The following RBFOX1 variants were observed in gnomAD, a reference collection of about 807,000 sequenced individuals.
RBFOX1 encodes RNA binding protein fox-1 homolog 1.
RBFOX1 carries 8 observed loss-of-function variants against 57.7 expected under a neutral mutation model. That is an observed-to-expected ratio of 0.14 (90% CI 0.08 to 0.25). The LOEUF is 0.25. Among genes scored for constraint, RBFOX1 ranks in the 10% least tolerant of loss-of-function variants. RBFOX1 has a pLI of 1.00. For missense variants in RBFOX1, 611 were observed against 548.5 expected, an observed-to-expected ratio of 1.11 and a Z score of -1.14; for synonymous variants, 326 against 222.4, an observed-to-expected ratio of 1.47 and a Z score of -4.15.
At chr16:5,373,141 T>C (rs2065901386) in intron 1 of RBFOX1, among the ~76,000 whole-genome samples, 1 of 152,190 alleles carries the variant, frequency 6.6e-6, no homozygotes, top group African/African-American at 2.4e-5. Context: ...ATGGATTTTC[T>C]CGGCAGAACC....
chr16:6,622,067 G>C (rs1216639290), intron 2 of RBFOX1, among the ~76,000 whole-genome samples: 1 of 152,182 alleles, frequency 6.6e-6, no homozygotes, highest in Non-Finnish European at 1.5e-5. Flanking sequence ...TGGTGTTTAT[G>C]TGGAAAGGGA....
At chr16:7,208,748 G>C (rs1456892904) in intron 4 of RBFOX1, among the ~76,000 whole-genome samples, 1 of 152,130 alleles carries the variant, frequency 6.6e-6, no homozygotes, top group Non-Finnish European at 1.5e-5. Context: ...GAAGCAAGAA[G>C]ATTATTTGAG....
At chr16:6,492,017 A>G (rs774376920) in intron 2 of RBFOX1, among the ~76,000 whole-genome samples, 7 of 152,172 alleles carry the variant, frequency 4.6e-5, no homozygotes, top group Admixed American at 3.3e-4. Flanking sequence ...GAATGGATAG[A>G]TGAGTAGACA....
chr16:6,217,670 C>T (rs1031672217), intron 1 of RBFOX1, among the ~76,000 whole-genome samples: 1 of 152,200 alleles, frequency 6.6e-6, no homozygotes, highest in African/African-American at 2.4e-5. Context: ...CTTCATTTCT[C>T]ACTGTGCTTC....
chr16:6,762,118 G>A (rs2076695182), intron 3 of RBFOX1, among the ~76,000 whole-genome samples: 2 of 152,074 alleles, frequency 1.3e-5, no homozygotes, highest in South Asian at 2.1e-4. Context: ...TGGGAAATTA[G>A]CTTAGTTTTC....
intron 2 of RBFOX1, among the ~76,000 whole-genome samples, chr16:5,510,812 G>A (rs561728283): frequency 1.3e-5 from 2 of 152,146 alleles, no homozygotes; most frequent in African/African-American, 4.8e-5. Context: ...AGGATGCTGA[G>A]CAGCCTCCCA....
rs970734273 is a variant in RBFOX1 at position 5,962,921 on chromosome 16, A to G, written c.351+95586A>G. 9.2e-5 allele frequency among the ~76,000 whole-genome samples: 14 copies of G among 151,632 alleles called. 1 individual carries two copies. The highest frequency in any genetic ancestry group is 3.4e-4 in the African/African-American group (14 of 41,236). ...ATAGGGCTTATCTTTGGGACTCCAG[A>G]CAGAGATCCAAGTTCAATATGGTCT... On this transcript the variant is annotated intron_variant, in intron 4 of 19. Coordinates refer to the RBFOX1 transcript ENST00000641259.
intron 3 of RBFOX1, among the ~76,000 whole-genome samples, chr16:5,820,364 G>C (rs1161707691): frequency 6.6e-6 from 1 of 152,176 alleles, no homozygotes; most frequent in African/African-American, 2.4e-5. Flanking sequence ...TGCAAGGGGG[G>C]AGGCAGGAAC....
intron 3 of RBFOX1, among the ~76,000 whole-genome samples, chr16:5,636,849 C>T (rs970743027): frequency 6.6e-6 from 1 of 152,160 alleles, no homozygotes; most frequent in African/African-American, 2.4e-5. Flanking sequence ...AAACATTTCT[C>T]ATTCTCAAAA....
intron 4 of RBFOX1, among the ~76,000 whole-genome samples, chr16:7,305,490 A>G (rs1421900464): frequency 6.6e-6 from 1 of 152,122 alleles, no homozygotes; most frequent in Non-Finnish European, 1.5e-5. Context: ...TATTCTATGA[A>G]GGTTTACAGT....
intron 1 of RBFOX1, among the ~76,000 whole-genome samples, chr16:6,044,266 C>A (rs1290055720): frequency 2.0e-5 from 3 of 152,140 alleles, no homozygotes; most frequent in Non-Finnish European, 2.9e-5. Context: ...ACCCCGAATC[C>A]TAAGGTGCTG....
intron 2 of RBFOX1, among the ~76,000 whole-genome samples, chr16:5,538,303 G>A (rs548089835): frequency 1.3e-5 from 2 of 152,290 alleles, no homozygotes; most frequent in East Asian, 3.9e-4. Context: ...TTTTAAAATG[G>A]AGGTAATGAA....
chr16:6,550,819 A>C (rs144455818), intron 2 of RBFOX1, among the ~76,000 whole-genome samples: 6 of 152,362 alleles, frequency 3.9e-5, no homozygotes, highest in African/African-American at 1.2e-4. Flanking sequence ...TTGCTTCGGC[A>C]CTTCACATTG....
intron 4 of RBFOX1, among the ~76,000 whole-genome samples, chr16:7,195,493 A>G (rs1314683427): frequency 6.6e-6 from 1 of 152,170 alleles, no homozygotes; most frequent in Non-Finnish European, 1.5e-5. Flanking sequence ...AACAGCACAG[A>G]TTTGAAAGAC....
chr16:7,115,999 A>G (rs2065827047), intron 4 of RBFOX1, among the ~76,000 whole-genome samples: 1 of 152,172 alleles, frequency 6.6e-6, no homozygotes, highest in Non-Finnish European at 1.5e-5. Flanking sequence ...TATATGGAGT[A>G]ACCATTGTGC....
intron 3 of RBFOX1, among the ~76,000 whole-genome samples, chr16:6,676,890 G>A (rs993194830): frequency 6.6e-6 from 1 of 151,774 alleles, no homozygotes; most frequent in Admixed American, 6.6e-5. Flanking sequence ...TGGCCATGCT[G>A]GTTTTGAACC....
chr16:7,040,022 C>CATT lies in RBFOX1; in HGVS notation c.-15-12022_-15-12020dup, dbSNP rs918275039. On this transcript the variant is annotated intron_variant, in intron 3 of 15. Transcript: ENST00000550418. ...GTTATTTTATTATTATTATTATTAT[C>CATT]ATTATTATTATTATTTTGAGACAAA... Among the ~76,000 whole-genome samples, 41 of 85,892 alleles carry CATT rather than the reference C, an allele frequency of 4.8e-4. No homozygotes were observed. In the East Asian group the frequency reaches 0.017, roughly 37 times the overall value. The allele number at this position is 85,892 out of a possible 152,430, so 56.3% of individuals were successfully genotyped here. A position where few individuals can be genotyped will look rare whatever the true frequency, so the allele number is the denominator to read the frequency against.
At chr16:7,196,366 C>T (rs750625832) in intron 4 of RBFOX1, among the ~76,000 whole-genome samples, 1 of 152,132 alleles carries the variant, frequency 6.6e-6, no homozygotes, top group Non-Finnish European at 1.5e-5. Flanking sequence ...CTGCTTCACT[C>T]CCCCTCTCCC....
Position 5,834,819 on chromosome 16 carries a change from T to TAGATAGAC in RBFOX1, c.319-32481_319-32480insTAGACAGA, listed in dbSNP as rs869158252. On this transcript the variant is annotated intron_variant, in intron 3 of 19. Transcript: ENST00000641259. ...ATAGATAGATAGATAGATAGATAGATAGACAGACAGACAGACAGATTTCTT... is the reference window on the plus strand; with the variant it reads ...ATAGATAGATAGATAGATAGATAGATAGATAGACAGACAGACAGACAGACAGATTTCTT... 2.4e-3 allele frequency among the ~76,000 whole-genome samples: 318 copies of TAGATAGAC among 134,416 alleles called. 1 individual carries two copies. Among genetic ancestry groups the TAGATAGAC allele is most frequent in the African/African-American group, 6.3e-3 (210 of 33,124 alleles). The allele number at this position is 134,416 out of a possible 152,430, so 88.2% of individuals were successfully genotyped here.
Sources: allele counts gnomAD v4.1 joint callset (sites outside exome capture counted in the v4.1 genomes callset), GRCh38; gene constraint gnomAD v4.1.1; transcripts MANE v1.5; gene names NCBI Gene and HGNC (gene_info 2026-07-23, HGNC 2026-07-21).